Variants in BRCA2 observed in about 807,000 individuals in gnomAD.
The protein encoded by BRCA2 is BRCA2 DNA repair associated.
Under a neutral mutation model 276.7 loss-of-function variants are expected in BRCA2, and 203 were observed. The ratio of observed to expected loss-of-function variants is 0.73; its 90% CI spans 0.65 to 0.82. BRCA2 has a LOEUF of 0.82. Ranked by LOEUF, BRCA2 falls within the 40% of genes least tolerant of loss-of-function variation. The probability of loss-of-function intolerance (pLI) is 0.00; values close to 1 mark genes in which losing one functional copy is unlikely to be tolerated. For missense variants in BRCA2, 3,920 were observed against 3,915.0 expected (o/e 1.00, Z -0.03); for synonymous variants, 1,289 against 1,338.4 (o/e 0.96, Z 0.81).
At chr13:32,325,981 A>G (rs997094992) in intron 4 of BRCA2, 120 bp from the exon 5 acceptor site, 6 of 859,370 alleles carry the variant, frequency 7.0e-6, no homozygotes, top group Non-Finnish European at 1.1e-5. Context: ...GTAATATAAA[A>G]TATCTAAAAG....
At chr13:32,362,480 C>A in intron 16 of BRCA2, 43 bp from the exon 17 acceptor site, 4 of 1,558,746 alleles carry the variant, frequency 2.6e-6, no homozygotes, top group Non-Finnish European at 3.5e-6. Flanking sequence ...TCAGTATCAT[C>A]CTATGTGGTT....
rs66813254 is a variant in BRCA2, at chr13:32,388,666, C to CT, written c.9257-6010dup. Among the ~76,000 whole-genome samples the CT allele has an allele frequency of 0.31, 45,547 of 146,094 alleles. 7,225 individuals are homozygous for CT. The highest frequency in any genetic ancestry group is 0.35 in the Admixed American group (5,174 of 14,694). ...AGGTTAAATGTATTAAATGCATTTT[C>CT]TTTTTTTTTTTTTGAGATTGAAAGT... On this transcript the variant is annotated intron_variant, in intron 24 of 26. Transcript: ENST00000380152.
chr13:32,394,327 G>T (rs562516246), intron 24 of BRCA2, among the ~76,000 whole-genome samples: 1 of 152,264 alleles, frequency 6.6e-6, no homozygotes, highest in East Asian at 1.9e-4. Flanking sequence ...CTTCAGAGAG[G>T]AGTACAAGAA....
chr13:32,328,977 G>A (rs772454838), intron 7 of BRCA2, among the ~76,000 whole-genome samples: 1 of 152,126 alleles, frequency 6.6e-6, no homozygotes. Context: ...TAGCAAAATA[G>A]CATTCTGTTT....
rs80358416 is a variant in BRCA2 at position 32,332,703 on chromosome 13, G to A, written c.1225G>A (p.Glu409Lys). 6.8e-6 allele frequency: 11 copies of A among 1,613,726 alleles called. No individual in the cohort carries two copies. The highest frequency in any genetic ancestry group is 8.5e-6 in the Non-Finnish European group (10 of 1,179,896). ...TLSGLNGAQM[E>K]KIPLLHISSC... Reference sequence around the variant, plus strand: ...TTCAGGTCTAAATGGAGCCCAGATGGAGAAAATACCCCTATTGCATATTTC... The same window carrying A: ...TTCAGGTCTAAATGGAGCCCAGATGAAGAAAATACCCCTATTGCATATTTC... Residue 409 changes from glutamate (E) to lysine (K), a missense_variant, in exon 10 of 27, where the codon GAG (glutamate) becomes AAG (lysine). Physicochemically the swap from Glu to Lys is moderately conservative, Grantham distance 56 (BLOSUM62 1). Around this residue, in one of 2 missense-constraint regions of BRCA2, gnomAD observed 3,263 missense variants for 3,156.9 expected, o/e 1.03. Coordinates refer to ENST00000380152, the MANE Select transcript of BRCA2 (RefSeq NM_000059.4).
At chr13:32,394,989 C>T (rs952504734) in intron 25 of BRCA2, 56 bp downstream of exon 25, 3 of 1,604,586 alleles carry the variant, frequency 1.9e-6, no homozygotes, top group Non-Finnish European at 2.6e-6. Flanking sequence ...TTTTGACAGT[C>T]CAGTATCAAG....
At position 32,336,873 on chromosome 13, in the gene BRCA2, A is replaced by G. The variant is rs2072459289; in HGVS notation, c.2518A>G (p.Met840Val). 1 of 1,610,838 alleles carries G rather than the reference A, an allele frequency of 6.2e-7. No homozygotes were observed. The highest frequency in any genetic ancestry group is 1.1e-5 in the South Asian group (1 of 89,794). The change falls in exon 11 of 27, where the codon ATG becomes GTG. Residue 840 changes from methionine (M) to valine (V), a missense_variant. Transcript: ENST00000380152. ...NVELLPPEKY[M>V]RVASPSRKVQ... Reference sequence around the variant, plus strand: ...TGAGCTGTTGCCACCTGAAAAATACATGAGAGTAGCATCACCTTCAAGAAA... The same window carrying G: ...TGAGCTGTTGCCACCTGAAAAATACGTGAGAGTAGCATCACCTTCAAGAAA...
chr13:32,334,384 T>TA (rs1050885007), intron 10 of BRCA2, among the ~76,000 whole-genome samples: 108 of 152,188 alleles, frequency 7.1e-4, no homozygotes, highest in Non-Finnish European at 1.2e-3. Flanking sequence ...TAAAGCATGT[T>TA]AAAAAAATAG....
chr13:32,397,135 G>A (rs2073042728), intron 26 of BRCA2, 91 bp downstream of exon 26: 12 of 1,383,006 alleles, frequency 8.7e-6, no homozygotes, highest in East Asian at 4.6e-5. Flanking sequence ...ATGGTAAAAT[G>A]TAATTAAACT....
In BRCA2 at chr13:32,336,948, G is replaced by A. The variant is rs587782014; in HGVS notation, c.2593G>A (p.Glu865Lys). The A allele has an allele frequency of 6.3e-7, 1 of 1,586,640 alleles. No individual in the cohort carries two copies. The highest frequency in any genetic ancestry group is 2.2e-5 in the East Asian group (1 of 44,718). ...TNLRVIQKNQ[E>K]ETTSISKITV... ...TCTAAGAGTAATCCAAAAAAATCAA[G>A]AAGAAACTACTTCAATTTCAAAAAT... is the stretch of plus-strand genomic sequence containing the variant. Residue 865 changes from glutamate (E) to lysine (K), a missense_variant, in exon 11 of 27, where the codon GAA becomes AAA. Glu to Lys is a moderately conservative substitution (Grantham distance 56). Around this residue, in one of 2 missense-constraint regions of BRCA2, gnomAD observed 3,263 missense variants for 3,156.9 expected, o/e 1.03. Coordinates refer to ENST00000380152, the MANE Select transcript of BRCA2 (RefSeq NM_000059.4).
chr13:32,398,863 T>G lies in BRCA2; in HGVS notation c.*93T>G. Reference sequence around the variant, plus strand: ...TTCAAACCACACATTAGTACTTATGTTGCACAATGAGAAAAGAAATTAGTT... The same window carrying G: ...TTCAAACCACACATTAGTACTTATGGTGCACAATGAGAAAAGAAATTAGTT... On this transcript the variant is annotated 3_prime_UTR_variant, in exon 27 of 27. Transcript: ENST00000380152. 1 of 1,462,040 alleles carries G rather than the reference T, an allele frequency of 6.8e-7. No homozygotes were observed. The highest frequency in any genetic ancestry group is 9.2e-7 in the Non-Finnish European group (1 of 1,090,716). The allele number at this position is 1,462,040 out of a possible 1,614,324, so 90.6% of individuals were successfully genotyped here.
At chr13:32,390,402 A>G (rs1195904989) in intron 24 of BRCA2, among the ~76,000 whole-genome samples, 1 of 152,140 alleles carries the variant, frequency 6.6e-6, no homozygotes, top group African/African-American at 2.4e-5. Context: ...TCTGGGCAAC[A>G]GTGAGATTCT....
chr13:32,390,201 C>A (rs1023835874), intron 24 of BRCA2, among the ~76,000 whole-genome samples: 7 of 152,112 alleles, frequency 4.6e-5, no homozygotes, highest in Non-Finnish European at 8.8e-5. Context: ...CTTCAGTGGT[C>A]CCCTGTCCCT....
In BRCA2 at chr13:32,370,390, T is replaced by A. The variant is rs1287688556; in HGVS notation, c.8332-12T>A. ...TTAACTACTAAATCAATATATTTAT[T>A]AATTTGTCCAGATTTCTGCTAACAG... On this transcript the variant is annotated splice_polypyrimidine_tract_variant and intron_variant, in intron 18 of 26. Transcript: ENST00000380152. The A allele has an allele frequency of 6.2e-7, 1 of 1,609,608 alleles. No homozygotes were observed. The highest frequency in any genetic ancestry group is 1.7e-5 in the Admixed American group (1 of 60,016).
intron 24 of BRCA2, among the ~76,000 whole-genome samples, chr13:32,393,632 C>T (rs2073012967): frequency 6.6e-6 from 1 of 152,112 alleles, no homozygotes; most frequent in African/African-American, 2.4e-5. Flanking sequence ...TCAGCCATTT[C>T]TCTTGGCTTC....
Position 32,370,570 on chromosome 13 carries a change from C to A in BRCA2, c.8487+13C>A, listed in dbSNP as rs2137598292. The A allele has an allele frequency of 6.2e-7, 1 of 1,603,564 alleles. No homozygotes were observed. Among genetic ancestry groups the A allele is most frequent in the Non-Finnish European group, 8.5e-7 (1 of 1,170,532 alleles). On this transcript the variant is annotated intron_variant, in intron 19 of 26. Transcript: ENST00000380152. ...ATACCCTATACAGGTATGATGTATT[C>A]TTGAAACTTACCATATATTTCTTTC...
At chr13:32,352,676 T>G (rs576007725) in intron 13 of BRCA2, among the ~76,000 whole-genome samples, 1 of 152,316 alleles carries the variant, frequency 6.6e-6, no homozygotes, top group East Asian at 1.9e-4. Flanking sequence ...AAGCTTCCTG[T>G]ATGTCATTTC....
intron 24 of BRCA2, among the ~76,000 whole-genome samples, chr13:32,389,502 C>T (rs544745285): frequency 2.6e-5 from 4 of 152,238 alleles, no homozygotes; most frequent in Admixed American, 1.3e-4. Flanking sequence ...TCTCTCATCT[C>T]AGAATATTTT....
intron 13 of BRCA2, among the ~76,000 whole-genome samples, chr13:32,347,510 C>T (rs968271392): frequency 1.3e-5 from 2 of 152,092 alleles, no homozygotes; most frequent in East Asian, 1.9e-4. Flanking sequence ...TGCAAATAGG[C>T]GGTTATCCTT....
Sources: gnomAD v4.1 joint callset for allele counts (sites outside exome capture counted in the v4.1 genomes callset) on GRCh38, gnomAD v4.1.1 for gene constraint, gnomAD v4.1.1 regional missense constraint, MANE v1.5 for transcripts, NCBI Gene and HGNC (gene_info 2026-07-23, HGNC 2026-07-21) for gene names.